RBFOX1: variants seen among roughly 807,000 people sequenced by gnomAD.
RBFOX1 encodes RNA binding fox-1 homolog 1.
A neutral mutation model predicts 57.7 loss-of-function variants in RBFOX1; 8 were observed. That is an observed-to-expected ratio of 0.14 (90% CI 0.08 to 0.25). The LOEUF (loss-of-function observed/expected upper bound fraction) is 0.25, where lower values mean the gene tolerates loss of function less well. Ranked by LOEUF, RBFOX1 falls within the 10% of genes least tolerant of loss-of-function variation. RBFOX1 has a pLI of 1.00. For missense variants in RBFOX1, 611 were observed against 548.5 expected (o/e 1.11, Z -1.14); for synonymous variants, 326 against 222.4 (o/e 1.47, Z -4.15).
At chr16:7,614,365 C>T (rs936983167) in intron 10 of RBFOX1, 5 of 152,128 alleles carry the variant, frequency 3.3e-5, no homozygotes, top group Non-Finnish European at 7.3e-5. Context: ...CCTCTTCTGT[C>T]TTATCAGATT....
chr16:6,878,056 C>A (rs1378669537), intron 3 of RBFOX1, among the ~76,000 whole-genome samples: 1 of 152,086 alleles, frequency 6.6e-6, no homozygotes, highest in Admixed American at 6.6e-5. Context: ...CTGAAAGACA[C>A]ACAAGGGTAG....
chr16:7,223,870 C>G (rs1020329370), intron 4 of RBFOX1, among the ~76,000 whole-genome samples: 1 of 151,650 alleles, frequency 6.6e-6, no homozygotes, highest in Non-Finnish European at 1.5e-5. Context: ...AACCATAAAT[C>G]TGTTATGGCT....
intron 3 of RBFOX1, among the ~76,000 whole-genome samples, chr16:6,834,751 A>G (rs1254487801): frequency 6.6e-6 from 1 of 152,150 alleles, no homozygotes; most frequent in African/African-American, 2.4e-5. Context: ...TGCTCGTGAG[A>G]CAGTTGCATT....
rs181784765 is a variant in RBFOX1, at chr16:6,764,826, A to G, written c.-16+110176A>G. 2.2e-3 allele frequency among the ~76,000 whole-genome samples: 332 copies of G among 152,164 alleles called. 2 individuals carry two copies. Among genetic ancestry groups the G allele is most frequent in the African/African-American group, 7.7e-3 (321 of 41,526 alleles). On this transcript the variant is annotated intron_variant, in intron 3 of 15. Coordinates refer to ENST00000550418, the MANE Select transcript of RBFOX1 (RefSeq NM_018723.4). ...GTGACGGGTGCCTGTAATCCTAGCT[A>G]CTCGGGAAGCTGAGGCAGGAGAATC...
intron 1 of RBFOX1, among the ~76,000 whole-genome samples, chr16:6,170,468 C>T (rs1375686874): frequency 6.6e-6 from 1 of 152,134 alleles, no homozygotes; most frequent in African/African-American, 2.4e-5. Context: ...CCCGTGGATG[C>T]ATTGTTATGC....
At chr16:7,137,931 T>C (rs983666198) in intron 4 of RBFOX1, among the ~76,000 whole-genome samples, 3 of 152,216 alleles carry the variant, frequency 2.0e-5, no homozygotes, top group African/African-American at 7.2e-5. Context: ...GCTAATTAAA[T>C]ACTCAATATT....
chr16:6,126,949 G>A (rs1057274748), intron 1 of RBFOX1, among the ~76,000 whole-genome samples: 1 of 152,120 alleles, frequency 6.6e-6, no homozygotes, highest in Non-Finnish European at 1.5e-5. Flanking sequence ...AAATCAATGT[G>A]GTTGTGAGAT....
intron 4 of RBFOX1, among the ~76,000 whole-genome samples, chr16:5,929,424 T>C (rs1342404494): frequency 6.6e-6 from 1 of 152,160 alleles, no homozygotes; most frequent in African/African-American, 2.4e-5. Context: ...ATTCTAGCTA[T>C]GTGACGTTGA....
At chr16:6,911,141 G>C (rs1270136311) in intron 3 of RBFOX1, among the ~76,000 whole-genome samples, 3 of 151,208 alleles carry the variant, frequency 2.0e-5, no homozygotes, top group Admixed American at 6.6e-5. Context: ...GTGGAAGTTG[G>C]AGTGAGCCGA....
chr16:7,627,936 A>G (rs1468619112), intron 10 of RBFOX1, among the ~76,000 whole-genome samples: 1 of 151,908 alleles, frequency 6.6e-6, no homozygotes, highest in Non-Finnish European at 1.5e-5. Context: ...TTTAACTACG[A>G]AGAAAGTATC....
At chr16:5,806,051 C>T (rs1267128393) in intron 3 of RBFOX1, among the ~76,000 whole-genome samples, 1 of 152,244 alleles carries the variant, frequency 6.6e-6, no homozygotes, top group South Asian at 2.1e-4. Context: ...GAGGAAACAG[C>T]TGGCATTATT....
At chr16:6,587,048 A>G (rs918326341) in intron 2 of RBFOX1, among the ~76,000 whole-genome samples, 2 of 152,020 alleles carry the variant, frequency 1.3e-5, no homozygotes, top group African/African-American at 4.8e-5. Context: ...CTTAAAATCT[A>G]TTCCTTTAGC....
At chr16:7,155,163 T>C (rs2076837122) in intron 4 of RBFOX1, among the ~76,000 whole-genome samples, 1 of 152,188 alleles carries the variant, frequency 6.6e-6, no homozygotes, top group South Asian at 2.1e-4. Flanking sequence ...AGAGGCTGAG[T>C]ACTACCACAA....
chr16:6,825,513 C>G (rs772772139), intron 3 of RBFOX1, among the ~76,000 whole-genome samples: 2 of 152,242 alleles, frequency 1.3e-5, no homozygotes, highest in South Asian at 4.1e-4. Flanking sequence ...CAAAATGAAT[C>G]TCACTTTTTG....
chr16:6,260,311 C>T (rs1405205923), intron 1 of RBFOX1, among the ~76,000 whole-genome samples: 1 of 152,110 alleles, frequency 6.6e-6, no homozygotes, highest in East Asian at 1.9e-4. Flanking sequence ...TACTTTCTAC[C>T]TGCCTGTCTC....
At chr16:5,693,137 A>C (rs904257452) in intron 3 of RBFOX1, among the ~76,000 whole-genome samples, 1 of 152,104 alleles carries the variant, frequency 6.6e-6, no homozygotes, top group Non-Finnish European at 1.5e-5. Context: ...CCTGGTGTGA[A>C]CTGTGAAGCA....
intron 4 of RBFOX1, among the ~76,000 whole-genome samples, chr16:5,876,657 C>G (rs2057620302): frequency 6.6e-6 from 1 of 152,140 alleles, no homozygotes; most frequent in Non-Finnish European, 1.5e-5. Context: ...TTCCCAGAAC[C>G]ATATATTATT....
chr16:6,535,309 A>C (rs1469293803), intron 2 of RBFOX1, among the ~76,000 whole-genome samples: 1 of 152,218 alleles, frequency 6.6e-6, no homozygotes, highest in Non-Finnish European at 1.5e-5. Context: ...CACTGGAAAA[A>C]GTGAACCCAG....
chr16:6,305,650 C>CTTT (rs5815297), intron 1 of RBFOX1, among the ~76,000 whole-genome samples: 7 of 146,118 alleles, frequency 4.8e-5, no homozygotes, highest in African/African-American at 1.0e-4. Flanking sequence ...ATACTCTTAG[C>CTTT]TTTTTTTTTT....
Sources: gnomAD v4.1 joint callset for allele counts (sites outside exome capture counted in the v4.1 genomes callset) on GRCh38, gnomAD v4.1.1 for gene constraint, MANE v1.5 for transcripts, NCBI Gene and HGNC (gene_info 2026-07-23, HGNC 2026-07-21) for gene names.